Variants in WASHC5 observed in about 807,000 individuals in gnomAD.
WASHC5 encodes the protein WASH complex subunit strumpellin.
In WASHC5, 101 loss-of-function variants were observed where a neutral mutation model predicts 150.4. That is an observed-to-expected ratio of 0.67 (90% confidence interval 0.57 to 0.79). The LOEUF (loss-of-function observed/expected upper bound fraction) is 0.79, where lower values mean the gene tolerates loss of function less well. Among genes scored for constraint, WASHC5 ranks in the 30% least tolerant of loss-of-function variants. The pLI, the probability that WASHC5 is intolerant of heterozygous loss-of-function variation, is 0.00. For missense variants in WASHC5, 1,195 were observed against 1,396.3 expected (o/e 0.86, Z 2.30); for synonymous variants, 467 against 491.2 (o/e 0.95, Z 0.65).
Position 125,038,849 on chromosome 8 carries a change from ATGCCAGC to A in WASHC5, c.3058_3064del (p.Ala1020PhefsTer5). On this transcript the variant is annotated frameshift_variant, in exon 25 of 29. Coordinates refer to ENST00000318410, the MANE Select transcript of WASHC5 (RefSeq NM_014846.4). LOFTEE classifies it high-confidence loss of function. The stretch of plus-strand genomic sequence containing the variant: ...ACTCACCTTATTCAGTGGGTTGTGA[ATGCCAGC>A]TGCCTCCAGATAGGCTGTGATTTCA... 1 of 1,614,084 alleles carries A rather than the reference ATGCCAGC, an allele frequency of 6.2e-7. No homozygotes were observed. Among genetic ancestry groups the A allele is most frequent in the Middle Eastern group, 1.7e-4 (1 of 6,056 alleles).
Position 125,067,589 on chromosome 8 carries a change from T to C in WASHC5, c.1278+3A>G, listed in dbSNP as rs1816782564. On this transcript the variant is annotated splice_donor_region_variant and intron_variant, in intron 10 of 28. Transcript: ENST00000318410. ...GTGGTGATATTCATTCAAATATTTT[T>C]ACCTCTTTGAGTATAAACTCAAATT... 2.5e-6 allele frequency: 4 copies of C among 1,608,480 alleles called. No individual in the cohort carries two copies. Among genetic ancestry groups the C allele is most frequent in the Non-Finnish European group, 3.4e-6 (4 of 1,175,220 alleles).
intron 20 of WASHC5, among the ~76,000 whole-genome samples, chr8:125,045,936 A>C (rs972327286): frequency 2.6e-5 from 4 of 152,250 alleles, no homozygotes; most frequent in African/African-American, 9.6e-5. Context: ...CCAAGAAAGA[A>C]GGAGCTATAC....
At chr8:125,048,360 C>CT (rs981305191) in intron 19 of WASHC5, among the ~76,000 whole-genome samples, 1 of 152,080 alleles carries the variant, frequency 6.6e-6, no homozygotes, top group Non-Finnish European at 1.5e-5. Flanking sequence ...ATTTGGTATT[C>CT]TTTTTTTACC....
In WASHC5 at chr8:125,043,864, T is replaced by C; in HGVS notation, c.2811A>G (p.Thr937=). The C allele has an allele frequency of 1.2e-6, 2 of 1,613,110 alleles. No individual in the cohort carries two copies. Among genetic ancestry groups the C allele is most frequent in the Middle Eastern group, 1.7e-4 (1 of 6,054 alleles). ...NKIYFSAIAK[T]QKIWTAYLEA... is the part of the protein sequence containing the mutation. The stretch of plus-strand genomic sequence containing the variant: ...CGAGATACGCAGTCCAAATCTTCTG[T>C]GTTTTGGCAATGGCGGAAAAATAAA... Residue 937 remains threonine (T), a synonymous_variant, in exon 23 of 29, where the codon ACA becomes ACG. Transcript: ENST00000318410.
chr8:125,027,740 A>G (rs2129943936), intron 28 of WASHC5, among the ~76,000 whole-genome samples: 1 of 152,342 alleles, frequency 6.6e-6, no homozygotes, highest in Non-Finnish European at 1.5e-5. Flanking sequence ...GTAACCAAAT[A>G]CCACCTGTAT....
rs758542909 is a variant in WASHC5 at position 125,083,281 on chromosome 8, A to T, written c.187-23T>A. ...ACCCTGAGAAAAAAAAACACATGTGAAATGTCAATAAAAGCATACTTGTTG... is the reference window on the plus strand; with the variant it reads ...ACCCTGAGAAAAAAAAACACATGTGTAATGTCAATAAAAGCATACTTGTTG... On this transcript the variant is annotated intron_variant, in intron 2 of 28. Coordinates refer to ENST00000318410, the MANE Select transcript of WASHC5 (RefSeq NM_014846.4). 3 of 1,607,866 alleles carry T rather than the reference A, an allele frequency of 1.9e-6. No homozygotes were observed. The South Asian group carries it at 3.3e-5, about 18-fold the overall frequency.
intron 26 of WASHC5, among the ~76,000 whole-genome samples, chr8:125,036,769 G>A (rs1815719977): frequency 6.6e-6 from 1 of 152,010 alleles, no homozygotes; most frequent in South Asian, 2.1e-4. Context: ...CAGCACTTAG[G>A]GAGGCCAAGG....
rs569773110 is a variant in WASHC5, at chr8:125,044,403, A to G, written c.2667+133T>C. The G allele has an allele frequency of 1.7e-4, 162 of 938,316 alleles. 1 individual carries two copies. In the African/African-American group the frequency reaches 2.5e-3, roughly 15 times the overall value. 58.1% of individuals were successfully genotyped at this position (938,316 alleles called of 1,614,324 possible). ...TATTCCCAGCTCTGATCTACCCAGT[A>G]GGTATCATATGCCTAAAGTCAGTGT... On this transcript the variant is annotated intron_variant, in intron 21 of 28. Transcript: ENST00000318410.
chr8:125,081,798 AT>A (rs778138522), intron 4 of WASHC5, 37 bp from the exon 5 acceptor site: 3 of 1,186,852 alleles, frequency 2.5e-6, no homozygotes, highest in East Asian at 2.3e-5. Context: ...AAATCACTAG[AT>A]TATACATTCT....
chr8:125,044,024 A>C lies in WASHC5; in HGVS notation c.2738T>G (p.Met913Arg), dbSNP rs372250277. The C allele has an allele frequency of 1.9e-6, 3 of 1,613,676 alleles. No individual in the cohort carries two copies. The highest frequency in any genetic ancestry group is 2.5e-6 in the Non-Finnish European group (3 of 1,179,688). Residue 913 changes from methionine to arginine, a missense_variant, in exon 22 of 29, where the codon ATG (methionine) becomes AGG (arginine). By Grantham distance (91) the Met-to-Arg change is moderately conservative. This residue lies in a region of WASHC5 where 997 missense variants were observed against 1,168.1 expected (regional missense o/e 0.85). Transcript: ENST00000318410. ...ACTTTTTAGGGGACTGACAGCATTC[A>C]TGAGGGTTTTTAAAGTGTCCTGAAC... ...RTVQDTLKTL[M>R]NAVSPLKSIV... is the part of the protein sequence containing the mutation.
At chr8:125,033,128 G>A (rs1317020562) in intron 26 of WASHC5, among the ~76,000 whole-genome samples, 2 of 152,102 alleles carry the variant, frequency 1.3e-5, no homozygotes, top group Non-Finnish European at 2.9e-5. Context: ...GTGGCTGCAT[G>A]GGAAACCAGA....
intron 18 of WASHC5, among the ~76,000 whole-genome samples, chr8:125,049,694 A>T (rs751114645): frequency 2.0e-5 from 3 of 152,110 alleles, no homozygotes; most frequent in Non-Finnish European, 4.4e-5. Context: ...TACAAAAATT[A>T]GCCGGATATG....
chr8:125,066,936 T>C (rs1248950883), intron 10 of WASHC5, among the ~76,000 whole-genome samples: 1 of 152,220 alleles, frequency 6.6e-6, no homozygotes, highest in Non-Finnish European at 1.5e-5. Context: ...TGCAACAGGA[T>C]ACTTTATTCT....
intron 27 of WASHC5, among the ~76,000 whole-genome samples, chr8:125,029,745 G>A (rs949984332): frequency 1.3e-5 from 2 of 152,210 alleles, no homozygotes; most frequent in South Asian, 4.1e-4. Flanking sequence ...TACATCAAAA[G>A]GAGTTTTTAG....
At chr8:125,073,975 A>G (rs115025374) in intron 8 of WASHC5, among the ~76,000 whole-genome samples, 204 of 152,362 alleles carry the variant, frequency 1.3e-3, no homozygotes, top group African/African-American at 4.5e-3. Flanking sequence ...GAGCAGAAAC[A>G]CTTAAAATAT....
chr8:125,043,890 T>C lies in WASHC5; in HGVS notation c.2785A>G (p.Ile929Val). 6.2e-7 allele frequency: 1 copy of C among 1,612,698 alleles called. No homozygotes were observed. Among genetic ancestry groups the C allele is most frequent in the Non-Finnish European group, 8.5e-7 (1 of 1,178,742 alleles). Residue 929 changes from isoleucine (I) to valine (V), a missense_variant, in exon 23 of 29, where the codon ATT (isoleucine) becomes GTT (valine). Ile to Val is a conservative substitution (Grantham distance 29, BLOSUM62 3). This residue lies in a region of WASHC5 where 997 missense variants were observed against 1,168.1 expected (regional missense o/e 0.85). Coordinates refer to ENST00000318410, the MANE Select transcript of WASHC5 (RefSeq NM_014846.4). ...LKSIVANSNKIYFSAIAKTQK... is the reference protein window; with the variant it reads ...LKSIVANSNKVYFSAIAKTQK... ...GTTTTGGCAATGGCGGAAAAATAAATTTTATTTGAATTTGCTGAAAAGTTA... is the reference window on the plus strand; with the variant it reads ...GTTTTGGCAATGGCGGAAAAATAAACTTTATTTGAATTTGCTGAAAAGTTA...
rs748979778 is a variant in WASHC5 at position 125,067,684 on chromosome 8, T to C, written c.1186A>G (p.Lys396Glu). 3 of 1,613,938 alleles carry C rather than the reference T, an allele frequency of 1.9e-6. No homozygotes were observed. In the South Asian group the frequency reaches 3.3e-5, roughly 18 times the overall value. Residue 396 changes from lysine to glutamate, a missense_variant, in exon 10 of 29, where the codon AAG (lysine) becomes GAG (glutamate). Lys to Glu is a moderately conservative substitution (Grantham distance 56). This residue lies in a region of WASHC5 where 997 missense variants were observed against 1,168.1 expected (regional missense o/e 0.85). Coordinates refer to ENST00000318410, the MANE Select transcript of WASHC5 (RefSeq NM_014846.4). ...DPNNKRLRQI[K>E]DQILTDSRYN... ...CGAGAGTCTGTTAGAATCTGGTCCT[T>C]GATTTGACGAAGGCGTTTGTTGTTT...
chr8:125,076,608 A>G, intron 6 of WASHC5, 108 bp from the exon 7 acceptor site: 2 of 1,322,032 alleles, frequency 1.5e-6, no homozygotes, highest in Non-Finnish European at 2.1e-6. Flanking sequence ...TCCAAAGCCC[A>G]TCACCTTTCA....
chr8:125,040,520 T>G (rs1586342163), intron 23 of WASHC5, among the ~76,000 whole-genome samples: 1 of 152,210 alleles, frequency 6.6e-6, no homozygotes, highest in Admixed American at 6.5e-5. Flanking sequence ...CCACCCAAAT[T>G]TCATCTTGAA....
Sources: allele counts gnomAD v4.1 joint callset (sites outside exome capture counted in the v4.1 genomes callset), GRCh38; gene constraint gnomAD v4.1.1; regional missense constraint gnomAD v4.1.1; transcripts MANE v1.5; gene names NCBI Gene and HGNC (gene_info 2026-07-23, HGNC 2026-07-21).